Variants in ZNF610 observed in about 807,000 individuals in gnomAD.
The protein encoded by ZNF610 is zinc finger protein 610.
A neutral mutation model predicts 14.1 loss-of-function variants in ZNF610; 14 were observed. The observed-to-expected ratio is 0.99, with a 90% CI of 0.65 to 1.55. The LOEUF (loss-of-function observed/expected upper bound fraction) is 1.55, where lower values mean the gene tolerates loss of function less well. ZNF610 is among the 40% of genes most tolerant of loss of function. The pLI, the probability that ZNF610 is intolerant of heterozygous loss-of-function variation, is 0.00. For synonymous variants in ZNF610, 185 were observed against 187.6 expected, an observed-to-expected ratio of 0.99 and a Z score of 0.11; for missense variants, 530 against 558.0, an observed-to-expected ratio of 0.95 and a Z score of 0.51.
At chr19:52,350,491 A>G (rs1051540804) in intron 3 of ZNF610, among the ~76,000 whole-genome samples, 1 of 152,264 alleles carries the variant, frequency 6.6e-6, no homozygotes, top group Admixed American at 6.5e-5. Flanking sequence ...CATCCTGGCC[A>G]ACATAGTGAA....
Position 52,356,929 on chromosome 19 carries a change from C to T in ZNF610, c.319+2550C>T, listed in dbSNP as rs73934436. 7.6e-3 allele frequency among the ~76,000 whole-genome samples: 1,157 copies of T among 152,224 alleles called. 15 individuals carry two copies. Among genetic ancestry groups the T allele is most frequent in the African/African-American group, 0.026 (1,085 of 41,536 alleles). ...TGTCACCAAATGTGAGTTTTACTTCCACCAATAAGCAATCAGTTCTGCAGT... is the reference window on the plus strand; with the variant it reads ...TGTCACCAAATGTGAGTTTTACTTCTACCAATAAGCAATCAGTTCTGCAGT... On this transcript the variant is annotated intron_variant, in intron 5 of 5. Transcript: ENST00000403906.
chr19:52,337,560 A>G (rs1462338005), intron 1 of ZNF610, among the ~76,000 whole-genome samples: 1 of 152,042 alleles, frequency 6.6e-6, no homozygotes, highest in East Asian at 1.9e-4. Context: ...AAAATAAGCC[A>G]ATTCTTATGG....
upstream of ZNF610, among the ~76,000 whole-genome samples, chr19:52,336,076 A>G (rs1189488195): frequency 6.6e-6 from 1 of 152,016 alleles, no homozygotes; most frequent in Non-Finnish European, 1.5e-5. Context: ...CTAATCCTCA[A>G]CTGACGTTGC....
intron 5 of ZNF610, among the ~76,000 whole-genome samples, chr19:52,361,609 ATTTATTTTAAT>A (rs1985782189): frequency 6.6e-6 from 1 of 151,692 alleles, no homozygotes. Context: ...TCTTTTTAAA[ATTTATTTTAAT>A]TTAAAAATTT....
upstream of ZNF610, among the ~76,000 whole-genome samples, chr19:52,332,510 A>G (rs963203870): frequency 6.6e-6 from 1 of 152,250 alleles, no homozygotes; most frequent in Non-Finnish European, 1.5e-5. This position sits in a 1 kb window ranked among gnomAD's most constrained non-coding sequence, Gnocchi z 4.1. Context: ...CTGAAAGAAT[A>G]TGTTGCTCTA....
At chr19:52,330,243 T>G in the ZNF610 span, 1 of 149,176 alleles carries the variant, frequency 6.7e-6, no homozygotes, top group African/African-American at 2.6e-5. Context: ...TTATGAAGAA[T>G]TTTCTGACAT....
intron 4 of ZNF610, 81 bp downstream of exon 4, chr19:52,353,889 C>G: frequency 1.3e-6 from 2 of 1,512,934 alleles, no homozygotes; most frequent in Non-Finnish European, 1.8e-6. Context: ...TTGGGAGCCC[C>G]TAAATTGCTT....
chr19:52,357,934 A>G (rs1411858855), intron 5 of ZNF610, among the ~76,000 whole-genome samples: 1 of 152,148 alleles, frequency 6.6e-6, no homozygotes, highest in East Asian at 1.9e-4. Flanking sequence ...CCCTCCTGGC[A>G]TGTGTGTGAG....
chr19:52,350,656 C>T (rs1359824798), intron 3 of ZNF610, among the ~76,000 whole-genome samples: 3 of 145,938 alleles, frequency 2.1e-5, no homozygotes, highest in African/African-American at 5.1e-5. Flanking sequence ...CCAGCCTGGG[C>T]GACAGAGCAA....
chr19:52,366,567 G>A lies in ZNF610; in HGVS notation c.1189G>A (p.Glu397Lys), dbSNP rs1420060595. The A allele has an allele frequency of 2.5e-6, 4 of 1,614,184 alleles. No individual in the cohort carries two copies. The highest frequency in any genetic ancestry group is 3.4e-6 in the Non-Finnish European group (4 of 1,180,040). Residue 397 changes from glutamate to lysine, a missense_variant, in exon 6 of 6, where the codon GAG becomes AAG. Physicochemically the swap from Glu to Lys is moderately conservative, Grantham distance 56. Coordinates refer to ENST00000403906, the MANE Select transcript of ZNF610 (RefSeq NM_001161425.2). ...GGCCCATCTTCTAATCCATACTGGA[G>A]AGAAACCTTACAAATGTAATGAATG... is the stretch of plus-strand genomic sequence containing the variant. ...LMAHLLIHTG[E>K]KPYKCNECDK...
chr19:52,351,088 T>G (rs1220786701), intron 3 of ZNF610, among the ~76,000 whole-genome samples: 1 of 152,150 alleles, frequency 6.6e-6, no homozygotes, highest in Admixed American at 6.5e-5. Context: ...GTTGTGAAAA[T>G]TTGCATGTTT....
chr19:52,349,635 C>T (rs1405275216), intron 3 of ZNF610, among the ~76,000 whole-genome samples: 6 of 151,174 alleles, frequency 4.0e-5, no homozygotes, highest in South Asian at 2.1e-4. Flanking sequence ...TGCAGTGGCA[C>T]GATCTCGACT....
chr19:52,337,950 G>A (rs1246540839), intron 1 of ZNF610, among the ~76,000 whole-genome samples: 1 of 152,146 alleles, frequency 6.6e-6, no homozygotes, highest in Non-Finnish European at 1.5e-5. Context: ...TTTTTCCTAC[G>A]CTTACAATCA....
chr19:52,331,063 G>T, the ZNF610 span, among the ~76,000 whole-genome samples: 1 of 152,170 alleles, frequency 6.6e-6, no homozygotes, highest in Non-Finnish European at 1.5e-5. Flanking sequence ...ACAAATGCAG[G>T]CTGCACAGTG....
intron 1 of ZNF610, among the ~76,000 whole-genome samples, chr19:52,338,543 C>T (rs770082630): frequency 8.5e-5 from 13 of 152,050 alleles, no homozygotes; most frequent in African/African-American, 1.9e-4. Flanking sequence ...AAATTAGCTG[C>T]GCATGGTGGC....
Position 52,366,880 on chromosome 19 carries a change from TC to T in ZNF610, c.*114del. The stretch of plus-strand genomic sequence containing the variant: ...AAAGAATTTAGTTTGCATTGAAGCC[TC>T]ATCACTCATCTCTTGATCCACACTG... On this transcript the variant is annotated 3_prime_UTR_variant, in exon 6 of 6. Transcript: ENST00000403906. 1 of 746,818 alleles carries T rather than the reference TC, an allele frequency of 1.3e-6. No homozygotes were observed. Among genetic ancestry groups the T allele is most frequent in the Non-Finnish European group, 2.2e-6 (1 of 464,372 alleles). 46.3% of individuals were successfully genotyped at this position (746,818 alleles called of 1,614,324 possible). A position where few individuals can be genotyped will look rare whatever the true frequency, so the allele number is the denominator to read the frequency against.
At chr19:52,352,051 G>T (rs1403721320) in intron 3 of ZNF610, among the ~76,000 whole-genome samples, 1 of 152,152 alleles carries the variant, frequency 6.6e-6, no homozygotes, top group Non-Finnish European at 1.5e-5. Context: ...GGACAGAAAG[G>T]TCTGTGGCTT....
chr19:52,363,280 C>T (rs1376592430), intron 5 of ZNF610, among the ~76,000 whole-genome samples: 2 of 152,092 alleles, frequency 1.3e-5, no homozygotes, highest in East Asian at 1.9e-4. Flanking sequence ...CTAGAATGCA[C>T]CACTGCATCC....
intron 1 of ZNF610, among the ~76,000 whole-genome samples, chr19:52,340,998 C>T (rs1031923824): frequency 1.6e-4 from 25 of 152,068 alleles, no homozygotes; most frequent in Admixed American, 1.4e-3. Flanking sequence ...TTATTTTGGT[C>T]AGCATACTGA....
Sources: allele counts gnomAD v4.1 joint callset (sites outside exome capture counted in the v4.1 genomes callset), GRCh38; gene constraint gnomAD v4.1.1; non-coding constraint Gnocchi (gnomAD v3.1); transcripts MANE v1.5; gene names NCBI Gene and HGNC (gene_info 2026-07-23, HGNC 2026-07-21).